Variants in ZNF532 observed in about 807,000 individuals in gnomAD.
ZNF532 encodes the protein zinc finger protein 532.
In ZNF532, 22 loss-of-function variants were observed where a neutral mutation model predicts 89.3. The observed-to-expected ratio is 0.25, with a 90% CI of 0.18 to 0.35. ZNF532 has a LOEUF of 0.35. Ranked by LOEUF, ZNF532 falls within the 10% of genes least tolerant of loss-of-function variation. The probability of loss-of-function intolerance (pLI) is 1.00; values close to 1 mark genes in which losing one functional copy is unlikely to be tolerated. For synonymous variants in ZNF532, 606 were observed against 649.6 expected (o/e 0.93, Z 1.02); for missense variants, 1,132 against 1,643.4 (o/e 0.69, Z 5.38).
At chr18:58,913,833 G>A (rs1437600692) in intron 2 of ZNF532, among the ~76,000 whole-genome samples, 2 of 152,094 alleles carry the variant, frequency 1.3e-5, no homozygotes, top group Non-Finnish European at 2.9e-5. Flanking sequence ...AGAGGGTATT[G>A]ATTTTCATTA....
At chr18:58,975,251 T>C (rs1253556843) in intron 7 of ZNF532, among the ~76,000 whole-genome samples, 5 of 152,110 alleles carry the variant, frequency 3.3e-5, no homozygotes, top group Non-Finnish European at 7.4e-5. Flanking sequence ...GTCTTTAAGT[T>C]TGTGGGAGTT....
At chr18:58,892,722 T>C (rs1293108852) in intron 2 of ZNF532, among the ~76,000 whole-genome samples, 1 of 152,228 alleles carries the variant, frequency 6.6e-6, no homozygotes, top group South Asian at 2.1e-4. Flanking sequence ...AATGTTCGTG[T>C]AGAGATTTTG....
intron 2 of ZNF532, among the ~76,000 whole-genome samples, chr18:58,874,227 A>G (rs151039968): frequency 3.2e-4 from 49 of 152,262 alleles, no homozygotes; most frequent in African/African-American, 1.0e-3. Context: ...GCTGCCCTAT[A>G]TCAGGTTAAA....
intron 2 of ZNF532, among the ~76,000 whole-genome samples, chr18:58,908,276 C>T (rs2060062659): frequency 6.6e-6 from 1 of 152,196 alleles, no homozygotes; most frequent in Non-Finnish European, 1.5e-5. Context: ...TGCTCTCCCA[C>T]TTATTGTTTG....
At chr18:58,941,951 CCTCCCTCCCTCT>C (rs1387557348) in intron 5 of ZNF532, among the ~76,000 whole-genome samples, 2 of 135,324 alleles carry the variant, frequency 1.5e-5, no homozygotes, top group Non-Finnish European at 3.3e-5. Context: ...TCTTTCCTTT[CCTCCCTCCCTCT>C]CTCCCTCCCT....
chr18:58,911,178 A>G (rs1377419306), intron 2 of ZNF532, among the ~76,000 whole-genome samples: 1 of 152,232 alleles, frequency 6.6e-6, no homozygotes, highest in Middle Eastern at 3.2e-3. Context: ...CAGAGCACCA[A>G]GGGTTCCAGG....
At chr18:58,900,467 C>T (rs1055458886) in intron 2 of ZNF532, among the ~76,000 whole-genome samples, 2 of 152,124 alleles carry the variant, frequency 1.3e-5, no homozygotes, top group African/African-American at 2.4e-5. Flanking sequence ...GATGAAGGGT[C>T]GGGGGCTCCC....
chr18:58,894,031 G>T lies in ZNF532; in HGVS notation c.-17-24240G>T, dbSNP rs557751395. Reference sequence around the variant, plus strand: ...CAAACTACAGGGAGAAGGAAGAGATGTGTCTGGCATCATTTCCGTGTTGGA... The same window carrying T: ...CAAACTACAGGGAGAAGGAAGAGATTTGTCTGGCATCATTTCCGTGTTGGA... On this transcript the variant is annotated intron_variant, in intron 2 of 9. Coordinates refer to ENST00000591808, the MANE Select transcript of ZNF532 (RefSeq NM_001375912.1). Among the ~76,000 whole-genome samples the T allele has an allele frequency of 2.6e-5, 4 of 152,334 alleles. No individual in the cohort carries two copies. The East Asian group carries it at 7.7e-4, about 29-fold the overall frequency.
chr18:58,888,788 A>C (rs533337388), intron 2 of ZNF532, among the ~76,000 whole-genome samples: 1 of 42,636 alleles, frequency 2.3e-5, no homozygotes, highest in East Asian at 1.2e-3. Flanking sequence ...TATATATAAA[A>C]TATATATAAT....
At chr18:58,939,393 A>G in intron 4 of ZNF532, 52 bp from the exon 5 acceptor site, 1 of 1,505,590 alleles carries the variant, frequency 6.6e-7, no homozygotes, top group Non-Finnish European at 8.9e-7. Context: ...TTTTGCAGTT[A>G]CACGTGTGTT....
chr18:58,932,537 G>A (rs1053943804), intron 3 of ZNF532: 2 of 152,152 alleles, frequency 1.3e-5, no homozygotes, highest in Non-Finnish European at 2.9e-5. Context: ...AGGTATATTT[G>A]CTAATGGTTT....
chr18:58,892,767 A>C (rs1168773889), intron 2 of ZNF532, among the ~76,000 whole-genome samples: 1 of 152,206 alleles, frequency 6.6e-6, no homozygotes, highest in Non-Finnish European at 1.5e-5. Context: ...AGGTTCCCCA[A>C]GTGGGGGCGT....
chr18:58,869,049 A>C (rs554067159), intron 2 of ZNF532, among the ~76,000 whole-genome samples: 1 of 152,202 alleles, frequency 6.6e-6, no homozygotes, highest in Non-Finnish European at 1.5e-5. Flanking sequence ...CAATCTAAAC[A>C]CATAAAAGGT....
At chr18:58,916,792 G>A (rs1256039200) in intron 2 of ZNF532, 1 of 921,596 alleles carries the variant, frequency 1.1e-6, no homozygotes, top group African/African-American at 1.8e-5. Flanking sequence ...AGTTTTCTCA[G>A]GCATGTGTAT....
At chr18:58,947,907 T>A (rs565975735) in intron 5 of ZNF532, among the ~76,000 whole-genome samples, 160 bp from the exon 6 acceptor site, 1 of 152,336 alleles carries the variant, frequency 6.6e-6, no homozygotes, top group South Asian at 2.1e-4. Context: ...TAATGCCAGT[T>A]GTCTTCAAAA....
At chr18:58,888,732 AT>A (rs2058520600) in intron 2 of ZNF532, among the ~76,000 whole-genome samples, 1 of 54,570 alleles carries the variant, frequency 1.8e-5, no homozygotes, top group African/African-American at 1.1e-4. Context: ...TATAAATTAT[AT>A]ATATATATTT....
intron 7 of ZNF532, among the ~76,000 whole-genome samples, 173 bp from the exon 8 acceptor site, chr18:58,978,882 C>T (rs572873040): frequency 3.3e-5 from 5 of 152,038 alleles, no homozygotes; most frequent in South Asian, 2.1e-4. Context: ...TGACTGTGAC[C>T]CGTCACATGA....
chr18:58,895,930 C>T (rs563604840), intron 2 of ZNF532, among the ~76,000 whole-genome samples: 11 of 151,796 alleles, frequency 7.2e-5, no homozygotes, highest in African/African-American at 2.2e-4. Flanking sequence ...AGCTCACTGG[C>T]AGCCTTGAGC....
chr18:58,910,687 C>T (rs1175357447), intron 2 of ZNF532, among the ~76,000 whole-genome samples: 4 of 152,002 alleles, frequency 2.6e-5, no homozygotes, highest in African/African-American at 9.7e-5. Context: ...GTTGGCCAGG[C>T]TGGTCTCAAA....
Sources: allele counts gnomAD v4.1 joint callset (sites outside exome capture counted in the v4.1 genomes callset), GRCh38; gene constraint gnomAD v4.1.1; transcripts MANE v1.5; gene names NCBI Gene and HGNC (gene_info 2026-07-23, HGNC 2026-07-21).